The following USP37 variants were observed in gnomAD, a reference collection of about 807,000 sequenced individuals.
The protein encoded by USP37 is ubiquitin specific peptidase 37, also known as ubiquitin carboxyl-terminal hydrolase 37.
A neutral mutation model predicts 124.0 loss-of-function variants in USP37; 27 were observed. The observed-to-expected ratio is 0.22, with a 90% CI of 0.16 to 0.30. The LOEUF (loss-of-function observed/expected upper bound fraction) is 0.30, where lower values mean the gene tolerates loss of function less well. USP37 is among the 10% of genes least tolerant of loss of function. USP37 has a pLI of 1.00. For missense variants in USP37, 889 were observed against 1,140.4 expected (o/e 0.78, Z 3.17); for synonymous variants, 365 against 388.0 (o/e 0.94, Z 0.70).
At chr2:218,535,162 G>C in intron 8 of USP37, among the ~76,000 whole-genome samples, 1 of 150,756 alleles carries the variant, frequency 6.6e-6, no homozygotes, top group East Asian at 2.0e-4. Context: ...TCAGGAGTTC[G>C]AGACCAGCCT....
At position 218,480,233 on chromosome 2, in the gene USP37, C is replaced by A. The variant is rs138539715; in HGVS notation, c.1836-518G>T. On this transcript the variant is annotated intron_variant, in intron 17 of 25. Transcript: ENST00000258399. Reference sequence around the variant, plus strand: ...CTAACATAGTGAAAACCCGTTTCTACTAAAAAAATACAAAAAATCAGCCGG... The same window carrying A: ...CTAACATAGTGAAAACCCGTTTCTAATAAAAAAATACAAAAAATCAGCCGG... Among the ~76,000 whole-genome samples the A allele has an allele frequency of 2.8e-4, 42 of 150,956 alleles. No homozygotes were observed. In the East Asian group the frequency reaches 7.6e-3, roughly 27 times the overall value.
At chr2:218,525,934 G>A (rs1331273930) in intron 10 of USP37, among the ~76,000 whole-genome samples, 2 of 152,158 alleles carry the variant, frequency 1.3e-5, no homozygotes, top group Non-Finnish European at 2.9e-5. Context: ...GTGAGAACAT[G>A]CAGTATTTGG....
intron 10 of USP37, among the ~76,000 whole-genome samples, chr2:218,517,602 G>A (rs903087894): frequency 5.3e-5 from 8 of 152,054 alleles, no homozygotes; most frequent in African/African-American, 1.9e-4. Flanking sequence ...AGATATTTTT[G>A]CTCCTTTGAA....
intron 10 of USP37, among the ~76,000 whole-genome samples, chr2:218,520,720 A>G (rs890226256): frequency 3.3e-5 from 5 of 152,228 alleles, no homozygotes; most frequent in African/African-American, 1.2e-4. Flanking sequence ...CAAAGTCCAT[A>G]TATTACATTT....
At chr2:218,538,627 C>A (rs1195260632) in intron 8 of USP37, among the ~76,000 whole-genome samples, 3 of 152,194 alleles carry the variant, frequency 2.0e-5, no homozygotes, top group African/African-American at 4.8e-5. Flanking sequence ...TTCCCCTTCA[C>A]CAAGGTTTAT....
At chr2:218,520,186 C>T (rs1176045595) in intron 10 of USP37, among the ~76,000 whole-genome samples, 1 of 152,142 alleles carries the variant, frequency 6.6e-6, no homozygotes, top group Non-Finnish European at 1.5e-5. Context: ...GATCCACCCA[C>T]CCACCTCAGC....
chr2:218,542,407 C>T (rs927554987), intron 8 of USP37, among the ~76,000 whole-genome samples: 1 of 152,180 alleles, frequency 6.6e-6, no homozygotes, highest in Non-Finnish European at 1.5e-5. Context: ...CATGCACAAC[C>T]ACATTCTGGT....
intron 8 of USP37, among the ~76,000 whole-genome samples, chr2:218,539,127 C>T (rs1291118144): frequency 6.6e-6 from 1 of 151,834 alleles, no homozygotes; most frequent in Non-Finnish European, 1.5e-5. Context: ...ATCACCACAC[C>T]CAGCTAATTT....
At position 218,457,114 on chromosome 2, in the gene USP37, G is replaced by A. The variant is rs779730244; in HGVS notation, c.2691C>T (p.His897=). 19 of 1,613,866 alleles carry A rather than the reference G, an allele frequency of 1.2e-5. 1 individual carries two copies. In the Admixed American group the frequency reaches 2.7e-4, roughly 23 times the overall value. ...HSYRLISVVS[H]IGSTSSSGHY... is the part of the protein sequence containing the mutation. ...CACCTGAAGAAGAAGTGCTACCAAT[G>A]TGACTGACAACACTGATGAGCCGGT... The change falls in exon 24 of 26, where the codon CAC becomes CAT. Residue 897 remains histidine, a synonymous_variant. Transcript: ENST00000258399.
chr2:218,482,111 T>C lies in USP37; in HGVS notation c.1794A>G (p.Thr598=). 1 of 1,613,578 alleles carries C rather than the reference T, an allele frequency of 6.2e-7. No individual in the cohort carries two copies. The highest frequency in any genetic ancestry group is 8.5e-7 in the Non-Finnish European group (1 of 1,179,624). The change falls in exon 17 of 26, where the codon ACA becomes ACG. Residue 598 remains threonine, a synonymous_variant. Transcript: ENST00000258399. ...TCCAACCAAGGGTAAAAGGTGGTTTTGTATTTTCAGTGCAATGAGATGACA... is the reference window on the plus strand; with the variant it reads ...TCCAACCAAGGGTAAAAGGTGGTTTCGTATTTTCAGTGCAATGAGATGACA... ...LTLSSHCTEN[T]KPPFTLGWSA...
intron 14 of USP37, among the ~76,000 whole-genome samples, chr2:218,494,850 G>A (rs1023638943): frequency 1.3e-5 from 2 of 152,004 alleles, no homozygotes; most frequent in African/African-American, 4.8e-5. Flanking sequence ...CTGTAAATAC[G>A]GTTGAAAAAC....
At chr2:218,553,184 GT>G (rs1331441210) in intron 5 of USP37, among the ~76,000 whole-genome samples, 10 of 152,310 alleles carry the variant, frequency 6.6e-5, no homozygotes, top group Admixed American at 6.5e-4. Flanking sequence ...AACATTTCCA[GT>G]TTTTCACCCC....
Position 218,482,245 on chromosome 2 carries a change from G to T in USP37, c.1671-11C>A, listed in dbSNP as rs1691306960. On this transcript the variant is annotated splice_polypyrimidine_tract_variant and intron_variant, in intron 16 of 25. Coordinates refer to ENST00000258399, the MANE Select transcript of USP37 (RefSeq NM_020935.3). ...TGGAGAATGAGGACCCTGAAAAACA[G>T]GAGATGACAACCTTACTAATTCATA... 6.2e-7 allele frequency: 1 copy of T among 1,605,858 alleles called. No homozygotes were observed. Among genetic ancestry groups the T allele is most frequent in the Non-Finnish European group, 8.5e-7 (1 of 1,174,340 alleles).
intron 22 of USP37, 136 bp downstream of exon 22, chr2:218,463,170 C>T: frequency 1.2e-6 from 1 of 829,694 alleles, no homozygotes; most frequent in Non-Finnish European, 1.8e-6. Flanking sequence ...CTCTCCCCCA[C>T]AATAAACACA....
At chr2:218,550,062 T>C (rs1043318899) in intron 5 of USP37, among the ~76,000 whole-genome samples, 153 bp from the exon 6 acceptor site, 4 of 152,114 alleles carry the variant, frequency 2.6e-5, no homozygotes, top group African/African-American at 4.8e-5. Flanking sequence ...ACCAATTCTT[T>C]CTGACAGAAT....
At chr2:218,493,364 T>C (rs959954973) in intron 14 of USP37, among the ~76,000 whole-genome samples, 5 of 152,216 alleles carry the variant, frequency 3.3e-5, no homozygotes, top group Non-Finnish European at 5.9e-5. Context: ...ATGCCATTTA[T>C]TGCATTGATG....
intron 9 of USP37, among the ~76,000 whole-genome samples, chr2:218,531,299 A>T (rs1691306118): frequency 6.6e-6 from 1 of 152,244 alleles, no homozygotes; most frequent in Non-Finnish European, 1.5e-5. Context: ...CTTAAGAATT[A>T]TGCTAATTCT....
chr2:218,538,737 TTA>T (rs1222783514), intron 8 of USP37, among the ~76,000 whole-genome samples: 1 of 152,100 alleles, frequency 6.6e-6, no homozygotes, highest in Admixed American at 6.5e-5. Context: ...AGCATATTGA[TTA>T]TGTCAGATTT....
intron 11 of USP37, among the ~76,000 whole-genome samples, chr2:218,500,051 G>A (rs201417705): frequency 6.6e-6 from 1 of 152,058 alleles, no homozygotes; most frequent in Non-Finnish European, 1.5e-5. Flanking sequence ...TTACAGGCGT[G>A]AGCCACTGCA....
Sources: allele counts gnomAD v4.1 joint callset (sites outside exome capture counted in the v4.1 genomes callset), GRCh38; gene constraint gnomAD v4.1.1; transcripts MANE v1.5; gene names NCBI Gene and HGNC (gene_info 2026-07-23, HGNC 2026-07-21).